Variants in RBMXL1 observed in about 807,000 individuals in gnomAD.
The protein encoded by RBMXL1 is RNA binding motif protein, X-linked-like-1.
Under a neutral mutation model 29.0 loss-of-function variants are expected in RBMXL1, and 18 were observed. The ratio of observed to expected loss-of-function variants is 0.62; its 90% CI spans 0.43 to 0.92. The LOEUF (loss-of-function observed/expected upper bound fraction) is 0.92. Among genes scored for constraint, RBMXL1 ranks in the 40% least tolerant of loss-of-function variants. The pLI, the probability that RBMXL1 is intolerant of heterozygous loss-of-function variation, is 0.00. For synonymous variants in RBMXL1, 141 were observed against 170.4 expected (o/e 0.83, Z 1.34); for missense variants, 403 against 495.8 (o/e 0.81, Z 1.78).
rs1570835397 is a variant in RBMXL1 at position 88,981,485 on chromosome 1, T to C, written c.*1169A>G. 1 of 154,922 alleles carries C rather than the reference T, an allele frequency of 6.5e-6. No individual in the cohort carries two copies. The highest frequency in any genetic ancestry group is 1.5e-5 in the Non-Finnish European group (1 of 68,240). The allele number at this position is 154,922 out of a possible 1,614,324, so 9.6% of individuals were successfully genotyped here. A position where few individuals can be genotyped will look rare whatever the true frequency, so the allele number is the denominator to read the frequency against. On this transcript the variant is annotated 3_prime_UTR_variant, in exon 3 of 3. Transcript: ENST00000652648. ...TACTTCCCCTTTTCCATTTGGTCAA[T>C]TACTTAAGTAACTACCACTCACTCC...
chr1:88,983,605 T>C lies in RBMXL1; in HGVS notation c.222A>G (p.Leu74=), dbSNP rs1289581795. ...DAARDMNGKS[L]DGKAIKVEQA... is the part of the protein sequence containing the mutation. ...GTTCCACCTTGATGGCTTTTCCATC[T>C]AATGACTTTCCATTCATGTCTCTGG... The change falls in exon 3 of 3, where the codon TTA becomes TTG. Residue 74 remains leucine, a synonymous_variant. Coordinates refer to ENST00000652648, the MANE Select transcript of RBMXL1 (RefSeq NM_001162536.3). 1 of 1,614,052 alleles carries C rather than the reference T, an allele frequency of 6.2e-7. No homozygotes were observed. Among genetic ancestry groups the C allele is most frequent in the Non-Finnish European group, 8.5e-7 (1 of 1,180,058 alleles).
intron 2 of RBMXL1, among the ~76,000 whole-genome samples, 160 bp downstream of exon 2, chr1:88,988,092 T>C (rs1314251347): frequency 6.6e-6 from 1 of 152,216 alleles, no homozygotes; most frequent in East Asian, 1.9e-4. Flanking sequence ...AGTTGCTCAG[T>C]GAATGTCAAT....
chr1:88,989,218 T>C (rs768971741), intron 1 of RBMXL1, among the ~76,000 whole-genome samples: 3 of 152,178 alleles, frequency 2.0e-5, no homozygotes, highest in Non-Finnish European at 4.4e-5. Context: ...ACCTAATCTA[T>C]GGAAACTAAA....
chr1:88,988,362 A>C lies in RBMXL1; in HGVS notation c.-340-11T>G. ...TGGGCCAAAAACATGCTATTAAATA[A>C]AAGAAAAATTGAGAAGAGGAATAAA... On this transcript the variant is annotated splice_polypyrimidine_tract_variant and intron_variant, in intron 1 of 2. Coordinates refer to ENST00000652648, the MANE Select transcript of RBMXL1 (RefSeq NM_001162536.3). 1 of 1,565,730 alleles carries C rather than the reference A, an allele frequency of 6.4e-7. No homozygotes were observed. Among genetic ancestry groups the C allele is most frequent in the Non-Finnish European group, 8.8e-7 (1 of 1,138,140 alleles).
Position 88,982,645 on chromosome 1 carries a change from T to G in RBMXL1, c.*9A>C. ...GAACTGGGATTTTGGTCCAAAGTTT[T>G]GTTTGTTTCTAGTATCTGCTTCTGC... is the stretch of plus-strand genomic sequence containing the variant. On this transcript the variant is annotated 3_prime_UTR_variant, in exon 3 of 3. Coordinates refer to ENST00000652648, the MANE Select transcript of RBMXL1 (RefSeq NM_001162536.3). The G allele has an allele frequency of 6.3e-7, 1 of 1,579,344 alleles. No individual in the cohort carries two copies. The highest frequency in any genetic ancestry group is 8.6e-7 in the Non-Finnish European group (1 of 1,164,810).
At chr1:88,988,871 G>C (rs893905398) in intron 1 of RBMXL1, among the ~76,000 whole-genome samples, 4 of 152,170 alleles carry the variant, frequency 2.6e-5, no homozygotes, top group African/African-American at 9.7e-5. Context: ...GTGAATCTTA[G>C]GTTATTCTGA....
chr1:88,982,783 A>G lies in RBMXL1; in HGVS notation c.1044T>C (p.Leu348=). Residue 348 remains leucine, a synonymous_variant, in exon 3 of 3, where the codon CTT becomes CTC. Coordinates refer to ENST00000652648, the MANE Select transcript of RBMXL1 (RefSeq NM_001162536.3). ...GGTACCCCCTTTCTACAGAAGGGGG[A>G]AGCCCTCTTTCTTGTCTGCCAACCC... ...CDRVGRQERG[L]PPSVERGYPS... is the part of the protein sequence containing the mutation. 2 of 1,613,900 alleles carry G rather than the reference A, an allele frequency of 1.2e-6. No homozygotes were observed. Among genetic ancestry groups the G allele is most frequent in the East Asian group, 2.2e-5 (1 of 44,868 alleles).
At position 88,980,417 on chromosome 1, in the gene RBMXL1, A is replaced by C. The variant is rs1287287394; in HGVS notation, c.*2237T>G. The stretch of plus-strand genomic sequence containing the variant: ...CAACTTTAACAAAATTATCTCATAG[A>C]TTTTGGATTTTTTTTTTTTTTGCCA... On this transcript the variant is annotated 3_prime_UTR_variant, in exon 3 of 3. Coordinates refer to ENST00000652648, the MANE Select transcript of RBMXL1 (RefSeq NM_001162536.3). The C allele has an allele frequency of 2.7e-5, 4 of 147,326 alleles. No homozygotes were observed. Among genetic ancestry groups the C allele is most frequent in the Non-Finnish European group, 5.9e-5 (4 of 67,940 alleles). 9.1% of individuals were successfully genotyped at this position (147,326 alleles called of 1,614,324 possible). A position where few individuals can be genotyped will look rare whatever the true frequency, so the allele number is the denominator to read the frequency against.
intron 2 of RBMXL1, among the ~76,000 whole-genome samples, chr1:88,985,831 G>T (rs1366736083): frequency 6.6e-6 from 1 of 152,138 alleles, no homozygotes; most frequent in East Asian, 1.9e-4. Flanking sequence ...CACTAAAGGA[G>T]GCAAAGAGAT....
intron 1 of RBMXL1, among the ~76,000 whole-genome samples, chr1:88,992,270 C>A (rs1057340040): frequency 2.6e-5 from 4 of 152,126 alleles, no homozygotes; most frequent in Non-Finnish European, 5.9e-5. Flanking sequence ...GAGCCTCTTT[C>A]GTATTTTTAA....
rs764148399 is a variant in RBMXL1, at chr1:88,982,877, C to A, written c.950G>T (p.Arg317Leu). Residue 317 changes from arginine to leucine, a missense_variant, in exon 3 of 3, where the codon CGT (arginine) becomes CTT (leucine). Physicochemically the swap from Arg to Leu is moderately radical, Grantham distance 102 (BLOSUM62 -2). Coordinates refer to ENST00000652648, the MANE Select transcript of RBMXL1 (RefSeq NM_001162536.3). ...GTCTCGACTTCCACCATATCCATCA[C>A]GTGAGCTGCTATAATCATCATAGCG... The part of the protein sequence containing the change: ...SSRYDDYSSS[R>L]DGYGGSRDSY... 6.2e-7 allele frequency: 1 copy of A among 1,613,994 alleles called. No individual in the cohort carries two copies. Among genetic ancestry groups the A allele is most frequent in the East Asian group, 2.2e-5 (1 of 44,880 alleles).
Position 88,982,762 on chromosome 1 carries a change from C to T in RBMXL1, c.1065G>A (p.Gly355=), listed in dbSNP as rs762992748. The T allele has an allele frequency of 1.2e-6, 2 of 1,613,948 alleles. No homozygotes were observed. The highest frequency in any genetic ancestry group is 2.2e-5 in the East Asian group (1 of 44,870). The change falls in exon 3 of 3, where the codon GGG becomes GGA. Residue 355 remains glycine, a synonymous_variant. Coordinates refer to ENST00000652648, the MANE Select transcript of RBMXL1 (RefSeq NM_001162536.3). ...TGTAGGAATCACGTGAAGAAGGGTA[C>T]CCCCTTTCTACAGAAGGGGGAAGCC... ...ERGLPPSVER[G]YPSSRDSYSS...
rs1414606656 is a variant in RBMXL1 at position 88,980,144 on chromosome 1, AATC to A, written c.*2507_*2509del. ...AAACTAATATATGGTGACAAAGACA[AATC>A]AGCAGCGTGAGGGATGGACTGCAAA... is the stretch of plus-strand genomic sequence containing the variant. On this transcript the variant is annotated 3_prime_UTR_variant, in exon 3 of 3. Coordinates refer to ENST00000652648, the MANE Select transcript of RBMXL1 (RefSeq NM_001162536.3). 1 of 152,364 alleles carries A rather than the reference AATC, an allele frequency of 6.6e-6. No homozygotes were observed. The highest frequency in any genetic ancestry group is 1.5e-5 in the Non-Finnish European group (1 of 68,038). The allele number at this position is 152,364 out of a possible 1,614,324, so 9.4% of individuals were successfully genotyped here. A position where few individuals can be genotyped will look rare whatever the true frequency, so the allele number is the denominator to read the frequency against.
rs1557703558 is a variant in RBMXL1 at position 88,980,225 on chromosome 1, G to A, written c.*2429C>T. 2 of 152,552 alleles carry A rather than the reference G, an allele frequency of 1.3e-5. No individual in the cohort carries two copies. The highest frequency in any genetic ancestry group is 4.8e-5 in the African/African-American group (2 of 41,458). 9.4% of individuals were successfully genotyped at this position (152,552 alleles called of 1,614,324 possible). A position where few individuals can be genotyped will look rare whatever the true frequency, so the allele number is the denominator to read the frequency against. On this transcript the variant is annotated 3_prime_UTR_variant, in exon 3 of 3. Coordinates refer to ENST00000652648, the MANE Select transcript of RBMXL1 (RefSeq NM_001162536.3). ...TGGAAGTGTTCTGCATGTTGATGGT[G>A]ACAGTGGCTTCATGGCATATACATC... is the stretch of plus-strand genomic sequence containing the variant.
At position 88,992,571 on chromosome 1, in the gene RBMXL1, C is replaced by A. The variant is rs908500427; in HGVS notation, c.-341+14G>T. ...CGGAAGCGCCGCGCCGCGCCGCGCG[C>A]CCGCCCCACTCACCTATCCGGTGCG... On this transcript the variant is annotated intron_variant, in intron 1 of 2. Coordinates refer to ENST00000652648, the MANE Select transcript of RBMXL1 (RefSeq NM_001162536.3). 46 of 152,968 alleles carry A rather than the reference C, an allele frequency of 3.0e-4. No individual in the cohort carries two copies. Among genetic ancestry groups the A allele is most frequent in the African/African-American group, 1.1e-3 (44 of 41,588 alleles). The allele number at this position is 152,968 out of a possible 1,614,324, so 9.5% of individuals were successfully genotyped here.
Position 88,982,406 on chromosome 1 carries a change from T to C in RBMXL1, c.*248A>G. On this transcript the variant is annotated 3_prime_UTR_variant, in exon 3 of 3. Transcript: ENST00000652648. The stretch of plus-strand genomic sequence containing the variant: ...TTTACTTGGAAAGTTACAACACTAG[T>C]ACTACAAGGCTTAACACATTTAACA... The C allele has an allele frequency of 1.1e-6, 1 of 871,488 alleles. No individual in the cohort carries two copies. Among genetic ancestry groups the C allele is most frequent in the Non-Finnish European group, 1.6e-6 (1 of 617,260 alleles). 54.0% of individuals were successfully genotyped at this position (871,488 alleles called of 1,614,324 possible). A position where few individuals can be genotyped will look rare whatever the true frequency, so the allele number is the denominator to read the frequency against.
chr1:88,983,597 T>C lies in RBMXL1; in HGVS notation c.230A>G (p.Lys77Arg), dbSNP rs771566198. The C allele has an allele frequency of 2.5e-5, 41 of 1,614,096 alleles. No individual in the cohort carries two copies. Among genetic ancestry groups the C allele is most frequent in the Non-Finnish European group, 3.4e-5 (40 of 1,180,062 alleles). Residue 77 changes from lysine (K) to arginine (R), a missense_variant, in exon 3 of 3, where the codon AAA becomes AGA. Lys to Arg is a conservative substitution (Grantham distance 26). Coordinates refer to ENST00000652648, the MANE Select transcript of RBMXL1 (RefSeq NM_001162536.3). ...RDMNGKSLDG[K>R]AIKVEQATKP... The stretch of plus-strand genomic sequence containing the variant: ...GGTGGCTTGTTCCACCTTGATGGCT[T>C]TTCCATCTAATGACTTTCCATTCAT...
chr1:88,985,222 G>A lies in RBMXL1; in HGVS notation c.-240-1156C>T, dbSNP rs189169442. On this transcript the variant is annotated intron_variant, in intron 2 of 2. Coordinates refer to ENST00000652648, the MANE Select transcript of RBMXL1 (RefSeq NM_001162536.3). ...TCAAGCCAAGACCTTGGAAGAGTGA[G>A]TAAGTGAAGGGAGTGCGTGAGTATT... Among the ~76,000 whole-genome samples, 7 of 152,320 alleles carry A rather than the reference G, an allele frequency of 4.6e-5. No homozygotes were observed. The East Asian group carries it at 1.4e-3, about 29-fold the overall frequency.
intron 2 of RBMXL1, 55 bp from the exon 3 acceptor site, chr1:88,984,121 G>A: frequency 2.3e-6 from 1 of 442,168 alleles, no homozygotes; most frequent in African/African-American, 2.0e-5. Flanking sequence ...GTAAAGCAGG[G>A]AAAGATGCTT....
Sources: gnomAD v4.1 joint callset for allele counts (sites outside exome capture counted in the v4.1 genomes callset) on GRCh38, gnomAD v4.1.1 for gene constraint, MANE v1.5 for transcripts, NCBI Gene and HGNC (gene_info 2026-07-23, HGNC 2026-07-21) for gene names.